SPAG16: variants seen among roughly 807,000 people sequenced by gnomAD.
SPAG16 encodes sperm associated antigen 16, also known as sperm-associated antigen 16 protein.
Under a neutral mutation model 80.4 loss-of-function variants are expected in SPAG16, and 86 were observed. The observed-to-expected ratio is 1.07, with a 90% CI of 0.90 to 1.28. The LOEUF is 1.28. SPAG16 is among the 50% of genes most tolerant of loss of function. The pLI, the probability that SPAG16 is intolerant of heterozygous loss-of-function variation, is 0.00. For missense variants in SPAG16, 870 were observed against 765.3 expected, an observed-to-expected ratio of 1.14 and a Z score of -1.61; for synonymous variants, 294 against 265.9, an observed-to-expected ratio of 1.11 and a Z score of -1.03.
chr2:214,089,767 C>A (rs572433686), intron 13 of SPAG16, among the ~76,000 whole-genome samples: 3 of 152,118 alleles, frequency 2.0e-5, no homozygotes, highest in African/African-American at 7.2e-5. Flanking sequence ...CTAAGAAATT[C>A]CATCCAGTTC....
At chr2:213,377,016 GT>G (rs2066912819) in intron 9 of SPAG16, among the ~76,000 whole-genome samples, 1 of 151,956 alleles carries the variant, frequency 6.6e-6, no homozygotes, top group Admixed American at 6.6e-5. Context: ...TGCTTTTTCT[GT>G]TTTCCTAGAT....
intron 13 of SPAG16, among the ~76,000 whole-genome samples, chr2:214,050,239 T>C (rs2049569664): frequency 6.6e-6 from 1 of 151,574 alleles, no homozygotes; most frequent in African/African-American, 2.4e-5. Context: ...ATTCTTTAGC[T>C]GAAGAATCAG....
At chr2:213,297,418 TG>T in intron 3 of SPAG16, 61 bp downstream of exon 3, 1 of 1,009,056 alleles carries the variant, frequency 9.9e-7, no homozygotes, top group Non-Finnish European at 1.5e-6. Context: ...ATATGAAGTT[TG>T]GAAAGTCTTT....
At chr2:214,138,130 G>A (rs139323298) in intron 14 of SPAG16, among the ~76,000 whole-genome samples, 213 of 152,206 alleles carry the variant, frequency 1.4e-3, no homozygotes, top group Non-Finnish European at 2.4e-3. Flanking sequence ...ACATTTACAT[G>A]AGGATTTTCA....
chr2:213,828,985 G>A (rs962527112), intron 10 of SPAG16, among the ~76,000 whole-genome samples: 1 of 152,112 alleles, frequency 6.6e-6, no homozygotes, highest in Non-Finnish European at 1.5e-5. Context: ...TAAACCTAAA[G>A]CCAGCATAGT....
chr2:213,450,053 C>T (rs905515351), intron 9 of SPAG16, among the ~76,000 whole-genome samples: 2 of 152,046 alleles, frequency 1.3e-5, no homozygotes, highest in Non-Finnish European at 2.9e-5. Context: ...ACCTGTAATC[C>T]CAGCACTTTG....
intron 10 of SPAG16, among the ~76,000 whole-genome samples, chr2:213,834,303 A>T (rs1164635529): frequency 6.6e-6 from 1 of 152,206 alleles, no homozygotes; most frequent in African/African-American, 2.4e-5. Context: ...TATTTAGCAA[A>T]GCTCTACATG....
chr2:214,110,725 A>G (rs1395047873), intron 14 of SPAG16, among the ~76,000 whole-genome samples: 3 of 152,168 alleles, frequency 2.0e-5, no homozygotes, highest in Non-Finnish European at 4.4e-5. Flanking sequence ...GTCTTCCAAA[A>G]TGGTTGAACT....
chr2:213,418,949 AT>A (rs533309226), intron 9 of SPAG16, among the ~76,000 whole-genome samples: 36 of 145,170 alleles, frequency 2.5e-4, no homozygotes, highest in Middle Eastern at 3.6e-3. Context: ...CTTACCCAGT[AT>A]TTGATCAATT....
rs146147000 is a variant in SPAG16, at chr2:213,871,737, C to T, written c.1214+9109C>T. On this transcript the variant is annotated intron_variant, in intron 11 of 15. Coordinates refer to ENST00000331683, the MANE Select transcript of SPAG16 (RefSeq NM_024532.5). The stretch of plus-strand genomic sequence containing the variant: ...TTACTGGTTCAAAGCATTTAATGAC[C>T]AGTTGACCAATCATTATTTGGCTAT... Among the ~76,000 whole-genome samples, 6 of 151,868 alleles carry T rather than the reference C, an allele frequency of 4.0e-5. No homozygotes were observed. The East Asian group carries it at 1.2e-3, about 30-fold the overall frequency.
chr2:213,889,730 CAT>C (rs996087436), intron 11 of SPAG16, among the ~76,000 whole-genome samples: 9 of 146,184 alleles, frequency 6.2e-5, no homozygotes, highest in East Asian at 2.0e-4. Flanking sequence ...TATATATATA[CAT>C]ATATATATAC....
At chr2:214,209,749 A>T (rs1184905437) in intron 15 of SPAG16, among the ~76,000 whole-genome samples, 2 of 152,130 alleles carry the variant, frequency 1.3e-5, no homozygotes, top group Non-Finnish European at 2.9e-5. Flanking sequence ...AAACATGAAC[A>T]CTTCCACCTT....
chr2:213,669,734 C>G (rs1421394546), intron 10 of SPAG16, among the ~76,000 whole-genome samples: 4 of 152,152 alleles, frequency 2.6e-5, no homozygotes, highest in African/African-American at 9.7e-5. Flanking sequence ...AACTGAATTT[C>G]TTAACTCTAG....
At chr2:214,043,738 A>G (rs1397826532) in intron 13 of SPAG16, among the ~76,000 whole-genome samples, 2 of 152,132 alleles carry the variant, frequency 1.3e-5, no homozygotes, top group Admixed American at 6.5e-5. Context: ...TAGATAATTG[A>G]TATTATATTT....
chr2:213,765,361 CTG>C (rs2125535162), intron 10 of SPAG16, among the ~76,000 whole-genome samples: 1 of 152,260 alleles, frequency 6.6e-6, no homozygotes, highest in East Asian at 1.9e-4. Flanking sequence ...GAGTGAGACT[CTG>C]TCTCAAAACA....
chr2:214,175,561 G>A (rs1157716438), intron 15 of SPAG16, among the ~76,000 whole-genome samples: 1 of 151,002 alleles, frequency 6.6e-6, no homozygotes, highest in African/African-American at 2.4e-5. Context: ...TTGATTGACA[G>A]TCCTCTAAGA....
At chr2:214,184,627 A>G (rs1351026182) in intron 15 of SPAG16, among the ~76,000 whole-genome samples, 2 of 152,108 alleles carry the variant, frequency 1.3e-5, no homozygotes, top group Non-Finnish European at 2.9e-5. Context: ...GCCAAAAACA[A>G]AAGGTCATAA....
intron 12 of SPAG16, among the ~76,000 whole-genome samples, chr2:213,956,119 C>T (rs1257882484): frequency 6.6e-6 from 1 of 151,700 alleles, no homozygotes; most frequent in African/African-American, 2.4e-5. Context: ...CCATGCCTGG[C>T]TAATTTTTGT....
Position 214,249,146 on chromosome 2 carries a change from A to G in SPAG16, c.1720+99880A>G, listed in dbSNP as rs115016359. 4.0e-3 allele frequency among the ~76,000 whole-genome samples: 615 copies of G among 152,308 alleles called. 6 individuals carry two copies. Among genetic ancestry groups the G allele is most frequent in the African/African-American group, 0.014 (592 of 41,572 alleles). On this transcript the variant is annotated intron_variant, in intron 15 of 15. Transcript: ENST00000331683. ...ACTATGTGGGACTGAAGAATGTGAA[A>G]AATTAGGAAAGAAATCCTCAAAGCT... is the stretch of plus-strand genomic sequence containing the variant.
Sources: gnomAD v4.1 joint callset for allele counts (sites outside exome capture counted in the v4.1 genomes callset) on GRCh38, gnomAD v4.1.1 for gene constraint, MANE v1.5 for transcripts, NCBI Gene and HGNC (gene_info 2026-07-23, HGNC 2026-07-21) for gene names.